The following TSPEAR variants were observed in gnomAD, a reference collection of about 807,000 sequenced individuals.
TSPEAR encodes thrombospondin type laminin G domain and EAR repeats, also known as thrombospondin-type laminin G domain and EAR repeat-containing protein.
A neutral mutation model predicts 71.6 loss-of-function variants in TSPEAR; 69 were observed. That is an observed-to-expected ratio of 0.96 (90% CI 0.79 to 1.18). The LOEUF is 1.18. Among genes scored for constraint, TSPEAR ranks in the 50% most tolerant of loss-of-function variants. TSPEAR has a pLI of 0.00. For missense variants in TSPEAR, 971 were observed against 894.9 expected, an observed-to-expected ratio of 1.09 and a Z score of -1.09; for synonymous variants, 402 against 387.2, an observed-to-expected ratio of 1.04 and a Z score of -0.45.
chr21:44,518,780 C>A, intron 9 of TSPEAR: 1 of 444,852 alleles, frequency 2.2e-6, no homozygotes, highest in Non-Finnish European at 4.8e-6. Flanking sequence ...CGTTTCAAAT[C>A]CCTTCCTGGT....
chr21:44,519,077 G>GGAGT (rs2052675964), intron 9 of TSPEAR: 1 of 164,822 alleles, frequency 6.1e-6, no homozygotes, highest in Non-Finnish European at 1.3e-5. Flanking sequence ...CGCCCAGGCT[G>GGAGT]GAGTGCAGTG....
rs1569161769 is a variant in TSPEAR at position 44,521,876 on chromosome 21, G to A, written c.1566+7C>T. On this transcript the variant is annotated splice_region_variant and intron_variant, in intron 9 of 11. Coordinates refer to ENST00000323084, the MANE Select transcript of TSPEAR (RefSeq NM_144991.3). Reference sequence around the variant, plus strand: ...TGGAGAGCCGGGGCTCATGCGGGGGGCCTTACCGGGAAGGACTGGAAGAGC... The same window carrying A: ...TGGAGAGCCGGGGCTCATGCGGGGGACCTTACCGGGAAGGACTGGAAGAGC... 2 of 1,612,110 alleles carry A rather than the reference G, an allele frequency of 1.2e-6. No individual in the cohort carries two copies. Among genetic ancestry groups the A allele is most frequent in the Non-Finnish European group, 8.5e-7 (1 of 1,178,786 alleles).
At chr21:44,636,074 T>C (rs1392787978) in intron 1 of TSPEAR, among the ~76,000 whole-genome samples, 1 of 152,242 alleles carries the variant, frequency 6.6e-6, no homozygotes, top group African/African-American at 2.4e-5. Context: ...CTTCAAATTT[T>C]TCACATTAAT....
At chr21:44,647,175 C>T in intron 1 of TSPEAR, 1 of 1,614,078 alleles carries the variant, frequency 6.2e-7, no homozygotes, top group Non-Finnish European at 8.5e-7. Flanking sequence ...CTGTGTCCCT[C>T]CTCTGCCACC....
At chr21:44,594,175 C>T (rs1980197893) in intron 1 of TSPEAR, among the ~76,000 whole-genome samples, 1 of 152,188 alleles carries the variant, frequency 6.6e-6, no homozygotes, top group African/African-American at 2.4e-5. Flanking sequence ...CCACACAGTA[C>T]AGACATCTGG....
At chr21:44,684,566 T>A (rs5013903) in intron 1 of TSPEAR, among the ~76,000 whole-genome samples, 2 of 151,524 alleles carry the variant, frequency 1.3e-5, no homozygotes, top group African/African-American at 2.4e-5. Context: ...GAAGTGAAAA[T>A]CTGTTCAGAG....
intron 1 of TSPEAR, among the ~76,000 whole-genome samples, chr21:44,581,270 C>A (rs1179768540): frequency 4.6e-5 from 7 of 152,172 alleles, no homozygotes; most frequent in African/African-American, 1.7e-4. Context: ...GGTGACAGAT[C>A]AAGTACTTTT....
In TSPEAR at chr21:44,529,883, G is replaced by A. The variant is rs782510927; in HGVS notation, c.705C>T (p.Ala235=). The part of the protein sequence containing the change: ...ATPRLCPSRN[A]PLAVLSIPRV... ...GTGGGATGGACAGCACCGCCAGCGG[G>A]GCGTTCCTGCTGGGACACAGCCTTG... Residue 235 remains alanine, a synonymous_variant, in exon 5 of 12, where the codon GCC becomes GCT. Coordinates refer to ENST00000323084, the MANE Select transcript of TSPEAR (RefSeq NM_144991.3). 3 of 1,613,490 alleles carry A rather than the reference G, an allele frequency of 1.9e-6. No homozygotes were observed. The highest frequency in any genetic ancestry group is 1.7e-5 in the Admixed American group (1 of 60,006).
chr21:44,552,338 A>G (rs2053455909), intron 2 of TSPEAR, among the ~76,000 whole-genome samples: 1 of 152,246 alleles, frequency 6.6e-6, no homozygotes. Context: ...GTCACAGGTG[A>G]GCTCCTCTGT....
chr21:44,682,951 G>A (rs1391480736), intron 1 of TSPEAR, among the ~76,000 whole-genome samples: 1 of 152,126 alleles, frequency 6.6e-6, no homozygotes, highest in Non-Finnish European at 1.5e-5. Flanking sequence ...ACGGGGCAGG[G>A]CTGTGCATTC....
chr21:44,698,451 C>T (rs1196907049), intron 1 of TSPEAR, among the ~76,000 whole-genome samples: 1 of 152,220 alleles, frequency 6.6e-6, no homozygotes. Flanking sequence ...GTACCAGTCC[C>T]AGGGAGGGTC....
chr21:44,505,558 C>T (rs2052174438), intron 10 of TSPEAR, among the ~76,000 whole-genome samples: 1 of 34,564 alleles, frequency 2.9e-5, no homozygotes, highest in Non-Finnish European at 1.1e-4. Flanking sequence ...AACATCACCC[C>T]CTCCCCCCTC....
In TSPEAR at chr21:44,514,502, G is replaced by C. The variant is rs587774101; in HGVS notation, c.1567-5116C>G. Among the ~76,000 whole-genome samples, 6 of 152,318 alleles carry C rather than the reference G, an allele frequency of 3.9e-5. No homozygotes were observed. In the East Asian group the frequency reaches 7.7e-4, roughly 20 times the overall value. ...TAACATGGTGGCTGCTGCTGGCCTT[G>C]TGAGGACCCCACATGCCGACAGCTG... On this transcript the variant is annotated intron_variant, in intron 9 of 11. Coordinates refer to ENST00000323084, the MANE Select transcript of TSPEAR (RefSeq NM_144991.3).
intron 9 of TSPEAR, among the ~76,000 whole-genome samples, chr21:44,521,577 G>A (rs1313363999): frequency 1.3e-5 from 2 of 152,226 alleles, no homozygotes; most frequent in African/African-American, 4.8e-5. Context: ...GAGCCCGGGG[G>A]CTGCTTTATG....
chr21:44,685,234 A>T (rs1463933434), intron 1 of TSPEAR, among the ~76,000 whole-genome samples: 2 of 152,280 alleles, frequency 1.3e-5, no homozygotes, highest in Non-Finnish European at 2.9e-5. Flanking sequence ...GCTGCCTGGG[A>T]TGGAGGGAGT....
chr21:44,695,339 G>T lies in TSPEAR; in HGVS notation c.82+16094C>A, dbSNP rs926196. Reference sequence around the variant, plus strand: ...TGTACAGAACAGGCCCCTGGGTCTCGGTCCCCAAAGCACCTCTTCTCAGAC... The same window carrying T: ...TGTACAGAACAGGCCCCTGGGTCTCTGTCCCCAAAGCACCTCTTCTCAGAC... On this transcript the variant is annotated intron_variant, in intron 1 of 11. Coordinates refer to ENST00000323084, the MANE Select transcript of TSPEAR (RefSeq NM_144991.3). The surrounding 1 kb of genome is among the most constrained non-coding windows in gnomAD (Gnocchi z 4.5). Among the ~76,000 whole-genome samples, 1 of 152,056 alleles carries T rather than the reference G, an allele frequency of 6.6e-6. No individual in the cohort carries two copies. The highest frequency in any genetic ancestry group is 2.4e-5 in the African/African-American group (1 of 41,382).
At chr21:44,567,054 A>G (rs868974832) in intron 2 of TSPEAR, among the ~76,000 whole-genome samples, 67 of 152,350 alleles carry the variant, frequency 4.4e-4, no homozygotes, top group African/African-American at 1.5e-3. Context: ...AAAGGGCTCT[A>G]CCAAGAAAGT....
intron 9 of TSPEAR, among the ~76,000 whole-genome samples, chr21:44,521,513 A>G (rs932594931): frequency 6.6e-6 from 1 of 152,194 alleles, no homozygotes; most frequent in Non-Finnish European, 1.5e-5. Context: ...CCTGACGACC[A>G]TACAGACTCA....
At chr21:44,587,750 A>G (rs1979432489) in intron 1 of TSPEAR, among the ~76,000 whole-genome samples, 1 of 152,216 alleles carries the variant, frequency 6.6e-6, no homozygotes, top group South Asian at 2.1e-4. Flanking sequence ...TCTTTGACAA[A>G]GCAAACAAAA....
Sources: allele counts gnomAD v4.1 joint callset (sites outside exome capture counted in the v4.1 genomes callset), GRCh38; gene constraint gnomAD v4.1.1; non-coding constraint Gnocchi (gnomAD v3.1); transcripts MANE v1.5; gene names NCBI Gene and HGNC (gene_info 2026-07-23, HGNC 2026-07-21).